Variants in MAP6 observed in about 807,000 individuals in gnomAD.
MAP6 encodes the protein microtubule-associated protein 6.
Under a neutral mutation model 42.4 loss-of-function variants are expected in MAP6, and 26 were observed. That is an observed-to-expected ratio of 0.61 (90% CI 0.45 to 0.85). The LOEUF (loss-of-function observed/expected upper bound fraction) is 0.85. Among genes scored for constraint, MAP6 ranks in the 40% least tolerant of loss-of-function variants. MAP6 has a pLI of 0.00. For missense variants in MAP6, 966 were observed against 1,099.0 expected, an observed-to-expected ratio of 0.88 and a Z score of 1.71; for synonymous variants, 418 against 443.8, an observed-to-expected ratio of 0.94 and a Z score of 0.73.
Position 75,605,886 on chromosome 11 carries a change from G to A in MAP6, c.1238C>T (p.Ala413Val), listed in dbSNP as rs199501525. The stretch of plus-strand genomic sequence containing the variant: ...TGGCTTGGTGGTACTCGGGCCCTCC[G>A]CGCTCTTTTTCTTGGCAGCCTGGCC... ...VSGQAAKKKS[A>V]EGPSTTKPDD... is the part of the protein sequence containing the mutation. The change falls in exon 3 of 4, where the codon GCG becomes GTG. Residue 413 changes from alanine (A) to valine (V), a missense_variant. By Grantham distance (64) the Ala-to-Val change is moderately conservative. Transcript: ENST00000304771. 3.2e-5 allele frequency: 51 copies of A among 1,613,938 alleles called. No homozygotes were observed. The highest frequency in any genetic ancestry group is 3.3e-4 in the Middle Eastern group (2 of 6,080).
At chr11:75,655,836 G>A (rs1412076724) in intron 1 of MAP6, among the ~76,000 whole-genome samples, 1 of 152,220 alleles carries the variant, frequency 6.6e-6, no homozygotes, top group Non-Finnish European at 1.5e-5. Flanking sequence ...CTGGAATGAG[G>A]AGAATTAGAT....
At chr11:75,659,204 G>A (rs1180706976) in intron 1 of MAP6, among the ~76,000 whole-genome samples, 2 of 152,236 alleles carry the variant, frequency 1.3e-5, no homozygotes, top group Non-Finnish European at 1.5e-5. Flanking sequence ...TAAAGGGGCT[G>A]AGCGCGGTGG....
At chr11:75,616,905 C>T (rs1298692893) in intron 1 of MAP6, among the ~76,000 whole-genome samples, 1 of 152,140 alleles carries the variant, frequency 6.6e-6, no homozygotes, top group African/African-American at 2.4e-5. Flanking sequence ...GAGGAAAGCA[C>T]ATACTTGGAC....
intron 3 of MAP6, among the ~76,000 whole-genome samples, chr11:75,600,313 G>A (rs1942644580): frequency 6.6e-6 from 1 of 152,218 alleles, no homozygotes; most frequent in Non-Finnish European, 1.5e-5. Context: ...TTGCACGGCA[G>A]CACTGGTTTC....
In MAP6 at chr11:75,593,306, T is replaced by C. The variant is rs114593359; in HGVS notation, c.1317-5122A>G. 9.0e-3 allele frequency among the ~76,000 whole-genome samples: 1,364 copies of C among 152,324 alleles called. 24 individuals are homozygous for C. Among genetic ancestry groups the C allele is most frequent in the African/African-American group, 0.031 (1,307 of 41,570 alleles). On this transcript the variant is annotated intron_variant, in intron 3 of 3. Coordinates refer to ENST00000304771, the MANE Select transcript of MAP6 (RefSeq NM_033063.2). The stretch of plus-strand genomic sequence containing the variant: ...ACAGACTGTTCTGTGCCAGGCTCTG[T>C]CCTATTTGCAAAACTTAATGTTCCA...
At chr11:75,666,618 T>C (rs556238457) in intron 1 of MAP6, among the ~76,000 whole-genome samples, 3 of 152,252 alleles carry the variant, frequency 2.0e-5, no homozygotes, top group Non-Finnish European at 4.4e-5. Context: ...TAATTACCAC[T>C]ATGTGCTAGG....
chr11:75,652,047 C>T (rs1216153336), intron 1 of MAP6, among the ~76,000 whole-genome samples: 2 of 151,946 alleles, frequency 1.3e-5, no homozygotes, highest in East Asian at 1.9e-4. Flanking sequence ...ATATTATTAC[C>T]CAAAAAAATT....
At chr11:75,613,689 C>T (rs577075511) in intron 1 of MAP6, among the ~76,000 whole-genome samples, 2 of 152,336 alleles carry the variant, frequency 1.3e-5, no homozygotes, top group South Asian at 2.1e-4. Context: ...GAAAGAGAGT[C>T]TGGGGCTATG....
At chr11:75,611,879 T>A (rs1942902785) in intron 1 of MAP6, among the ~76,000 whole-genome samples, 1 of 152,264 alleles carries the variant, frequency 6.6e-6, no homozygotes, top group Non-Finnish European at 1.5e-5. Flanking sequence ...GTGGCTTGCA[T>A]AAGGCAATGC....
At chr11:75,599,427 T>C (rs1038704747) in intron 3 of MAP6, among the ~76,000 whole-genome samples, 1 of 152,230 alleles carries the variant, frequency 6.6e-6, no homozygotes, top group Non-Finnish European at 1.5e-5. Flanking sequence ...TTTTTGTGAA[T>C]GAAGAATCTG....
Position 75,607,160 on chromosome 11 carries a change from T to G in MAP6, c.1119+949A>C, listed in dbSNP as rs1039475424. The G allele has an allele frequency of 5.5e-6, 5 of 907,558 alleles. No individual in the cohort carries two copies. The African/African-American group carries it at 9.0e-5, about 16-fold the overall frequency. 56.2% of individuals were successfully genotyped at this position (907,558 alleles called of 1,614,324 possible). On this transcript the variant is annotated intron_variant, in intron 2 of 3. Transcript: ENST00000304771. ...TGAGAGGTTTCCTGGAACACAGAAC[T>G]TTCAGTGCTAAAATGGAAGAATCCC...
intron 1 of MAP6, among the ~76,000 whole-genome samples, chr11:75,666,674 G>A (rs1216633044): frequency 5.3e-5 from 8 of 152,040 alleles, no homozygotes; most frequent in East Asian, 1.9e-4. Context: ...CACAATGTCC[G>A]GCACACTGCC....
intron 1 of MAP6, among the ~76,000 whole-genome samples, chr11:75,614,506 G>A (rs542750662): frequency 4.6e-5 from 7 of 152,082 alleles, no homozygotes; most frequent in Non-Finnish European, 8.8e-5. Flanking sequence ...CTCTCTCTGG[G>A]GCAGCAAGCT....
intron 3 of MAP6, among the ~76,000 whole-genome samples, chr11:75,600,530 A>T (rs1942648084): frequency 1.3e-5 from 2 of 152,064 alleles, no homozygotes. Flanking sequence ...GTGAGAGTGG[A>T]GTTTGGGCTC....
At chr11:75,620,483 G>GAAAA (rs61563507) in intron 1 of MAP6, among the ~76,000 whole-genome samples, 2 of 69,756 alleles carry the variant, frequency 2.9e-5, no homozygotes, top group African/African-American at 4.6e-5. Context: ...TCAAAAGAGA[G>GAAAA]AAAAAAAAAA....
At chr11:75,601,342 C>A (rs2135580769) in intron 3 of MAP6, among the ~76,000 whole-genome samples, 1 of 152,286 alleles carries the variant, frequency 6.6e-6, no homozygotes, top group South Asian at 2.1e-4. Context: ...TGTCTCTCTC[C>A]CTTAACTCAT....
At chr11:75,634,227 T>C (rs1356858463) in intron 1 of MAP6, among the ~76,000 whole-genome samples, 1 of 152,154 alleles carries the variant, frequency 6.6e-6, no homozygotes, top group Non-Finnish European at 1.5e-5. Flanking sequence ...TTATTCTACT[T>C]TATGGAAGTG....
At chr11:75,651,000 C>T (rs1943637110) in intron 1 of MAP6, among the ~76,000 whole-genome samples, 1 of 152,148 alleles carries the variant, frequency 6.6e-6, no homozygotes, top group Non-Finnish European at 1.5e-5. Flanking sequence ...CACCCATCAG[C>T]ACCACAATCC....
At chr11:75,617,060 C>G (rs1182594257) in intron 1 of MAP6, among the ~76,000 whole-genome samples, 1 of 152,150 alleles carries the variant, frequency 6.6e-6, no homozygotes, top group Non-Finnish European at 1.5e-5. Context: ...GGCCCCTGTA[C>G]TAGGTAAATG....
Sources: allele counts gnomAD v4.1 joint callset (sites outside exome capture counted in the v4.1 genomes callset), GRCh38; gene constraint gnomAD v4.1.1; transcripts MANE v1.5; gene names NCBI Gene and HGNC (gene_info 2026-07-23, HGNC 2026-07-21).